GCKR: variants seen among roughly 807,000 people sequenced by gnomAD.
GCKR encodes the protein glucokinase regulatory protein.
Under a neutral mutation model 82.9 loss-of-function variants are expected in GCKR, and 73 were observed. The ratio of observed to expected loss-of-function variants is 0.88; its 90% confidence interval spans 0.73 to 1.07. GCKR has a LOEUF of 1.07. GCKR is among the 50% of genes least tolerant of loss of function. The probability of loss-of-function intolerance (pLI) is 0.00; values close to 1 mark genes in which losing one functional copy is unlikely to be tolerated. For synonymous variants in GCKR, 294 were observed against 291.8 expected, an observed-to-expected ratio of 1.01 and a Z score of -0.08; for missense variants, 784 against 782.1, an observed-to-expected ratio of 1.00 and a Z score of -0.03.
At chr2:27,506,648 G>A (rs1042189013) in intron 11 of GCKR, 69 bp downstream of exon 11, 4 of 1,210,754 alleles carry the variant, frequency 3.3e-6, no homozygotes, top group Middle Eastern at 1.9e-4. Flanking sequence ...GGGAGACTCT[G>A]TGAGACATGT....
rs893844054 is a variant in GCKR, at chr2:27,518,721, G to A, written c.1423-67G>A. Reference sequence around the variant, plus strand: ...AGTTGGTTTCCTGTCTGATAACAGGGCCCTGTTCACTCTGCTGCTTTTCTG... The same window carrying A: ...AGTTGGTTTCCTGTCTGATAACAGGACCCTGTTCACTCTGCTGCTTTTCTG... On this transcript the variant is annotated intron_variant, in intron 16 of 18. Transcript: ENST00000264717. 4.7e-6 allele frequency: 6 copies of A among 1,263,650 alleles called. No homozygotes were observed. The African/African-American group carries it at 7.3e-5, about 15-fold the overall frequency. 78.3% of individuals were successfully genotyped at this position (1,263,650 alleles called of 1,614,324 possible).
At chr2:27,504,214 A>G (rs1271225772) in intron 9 of GCKR, among the ~76,000 whole-genome samples, 1 of 152,144 alleles carries the variant, frequency 6.6e-6, no homozygotes, top group African/African-American at 2.4e-5. Context: ...ATTCTCCTCC[A>G]TCTTCCTTTT....
At chr2:27,498,143 G>C (rs1669461466) in intron 3 of GCKR, 112 bp from the exon 4 acceptor site, 1 of 827,630 alleles carries the variant, frequency 1.2e-6, no homozygotes, top group South Asian at 1.5e-5. Flanking sequence ...TTTGTGATGA[G>C]AGGAGGGATA....
intron 18 of GCKR, among the ~76,000 whole-genome samples, chr2:27,522,955 G>A (rs1572877883): frequency 6.7e-6 from 1 of 149,642 alleles, no homozygotes; most frequent in East Asian, 2.0e-4. Flanking sequence ...CTGGAGTGCA[G>A]TGGCGCGATC....
chr2:27,497,281 A>G lies in GCKR; in HGVS notation c.98A>G (p.Lys33Arg), dbSNP rs1669437315. 1.2e-5 allele frequency: 19 copies of G among 1,614,070 alleles called. No homozygotes were observed. Among genetic ancestry groups the G allele is most frequent in the Non-Finnish European group, 1.6e-5 (19 of 1,180,048 alleles). ...GAGGCAGCTGTGCCAATCACGGAGA[A>G]GTCAAACCCACTGACCCAGGATCTA... ...GYEAAVPITE[K>R]SNPLTQDLDK... Residue 33 changes from lysine to arginine, a missense_variant, in exon 2 of 19, where the codon AAG becomes AGG. Lys to Arg is a conservative substitution (Grantham distance 26, BLOSUM62 2). Transcript: ENST00000264717.
intron 12 of GCKR, 93 bp from the exon 13 acceptor site, chr2:27,507,142 T>C (rs1203722115): frequency 1.1e-6 from 1 of 925,352 alleles, no homozygotes; most frequent in Non-Finnish European, 1.8e-6. Flanking sequence ...CTTGCCACTT[T>C]TCCTCCCAGT....
chr2:27,497,987 CTTTTA>C (rs1259082576), intron 3 of GCKR, among the ~76,000 whole-genome samples: 1 of 152,186 alleles, frequency 6.6e-6, no homozygotes, highest in East Asian at 1.9e-4. Context: ...TTATTATTTA[CTTTTA>C]TTTAGATGAC....
intron 11 of GCKR, 88 bp from the exon 12 acceptor site, chr2:27,506,700 G>A (rs1365298710): frequency 1.5e-5 from 17 of 1,097,312 alleles, no homozygotes; most frequent in South Asian, 1.1e-4. Context: ...GAAGGGTCAT[G>A]GTTTGTTGAC....
chr2:27,508,666 C>T (rs370627814), intron 16 of GCKR, among the ~76,000 whole-genome samples: 269 of 152,248 alleles, frequency 1.8e-3, no homozygotes, highest in African/African-American at 6.2e-3. Flanking sequence ...GTGTGCACCA[C>T]CATGCCCGGC....
At chr2:27,507,125 C>T (rs8179216) in intron 12 of GCKR, 110 bp from the exon 13 acceptor site, 97 of 836,490 alleles carry the variant, frequency 1.2e-4, no homozygotes, top group Admixed American at 4.4e-4. Context: ...CCTCACTCTA[C>T]GCCCCACTTG....
Position 27,499,148 on chromosome 2 carries a change from G to A in GCKR, c.435G>A (p.Val145=). ...TYLIAGGDRS[V]VASREGTEDS... ...CTTGAGTCTGTCCTCTTAGGTCTGT[G>A]GTGGCCTCTAGGGAGGGGACAGAAG... Residue 145 remains valine, a synonymous_variant, in exon 6 of 19, where the codon GTG becomes GTA. Transcript: ENST00000264717. 6.2e-7 allele frequency: 1 copy of A among 1,604,932 alleles called. No homozygotes were observed. Among genetic ancestry groups the A allele is most frequent in the African/African-American group, 1.3e-5 (1 of 74,850 alleles).
intron 8 of GCKR, among the ~76,000 whole-genome samples, chr2:27,502,447 C>G (rs1263207245): frequency 6.6e-6 from 1 of 152,072 alleles, no homozygotes; most frequent in Non-Finnish European, 1.5e-5. Flanking sequence ...TTTTTGGGCT[C>G]CACTCCAGAA....
chr2:27,503,532 C>T lies in GCKR; in HGVS notation c.663C>T (p.Asp221=). Residue 221 remains aspartate (D), a synonymous_variant, in exon 9 of 19, where the codon GAC becomes GAT. Coordinates refer to ENST00000264717, the MANE Select transcript of GCKR (RefSeq NM_001486.4). ...ACCTCAGAAATGACCCCATTGAAGA[C>T]TGGAGTTCAACATTCCGACAAGTAG... The part of the protein sequence containing the change: ...VSMARNDPIE[D]WSSTFRQVAE... 1 of 1,595,858 alleles carries T rather than the reference C, an allele frequency of 6.3e-7. No homozygotes were observed.
At chr2:27,503,922 A>G (rs1308308133) in intron 9 of GCKR, among the ~76,000 whole-genome samples, 3 of 152,202 alleles carry the variant, frequency 2.0e-5, no homozygotes, top group Non-Finnish European at 2.9e-5. Context: ...TTGAATAGCC[A>G]TTGTTATGTT....
intron 1 of GCKR, 25 bp from the exon 2 acceptor site, chr2:27,497,219 C>T: frequency 1.9e-6 from 3 of 1,614,128 alleles, no homozygotes; most frequent in South Asian, 1.1e-5. Context: ...CTTCCTGCTC[C>T]ATCCTTGTCC....
In GCKR at chr2:27,496,873, C is replaced by G. The variant is rs751909151; in HGVS notation, c.-32C>G. 1.3e-6 allele frequency: 2 copies of G among 1,588,142 alleles called. No homozygotes were observed. The highest frequency in any genetic ancestry group is 1.1e-5 in the South Asian group (1 of 90,620). ...AGAGGGGTTTGTGTGGCTGAAGAGG[C>G]AGGAGGAACAGTGTATCCACAGCGT... On this transcript the variant is annotated 5_prime_UTR_variant, in exon 1 of 19. Transcript: ENST00000264717.
chr2:27,500,072 G>A (rs139976082), intron 7 of GCKR, among the ~76,000 whole-genome samples: 1 of 150,796 alleles, frequency 6.6e-6, no homozygotes, highest in Non-Finnish European at 1.5e-5. Context: ...CTAAAATAAA[G>A]GTTAGTTTTT....
At position 27,518,858 on chromosome 2, in the gene GCKR, G is replaced by A; in HGVS notation, c.1493G>A (p.Gly498Asp). The A allele has an allele frequency of 6.3e-7, 1 of 1,592,158 alleles. No individual in the cohort carries two copies. Among genetic ancestry groups the A allele is most frequent in the Non-Finnish European group, 8.6e-7 (1 of 1,165,634 alleles). ...AGTACAGGTGCTCATGTGCTTCTTG[G>A]TAAGATCCTACAAAACCACATGTTG... is the stretch of plus-strand genomic sequence containing the variant. ...TVSTGAHVLL[G>D]KILQNHMLDL... The change falls in exon 17 of 19, where the codon GGT (glycine) becomes GAT (aspartate). Residue 498 changes from glycine to aspartate, a missense_variant. Coordinates refer to ENST00000264717, the MANE Select transcript of GCKR (RefSeq NM_001486.4).
At chr2:27,504,403 G>A (rs1376411739) in intron 9 of GCKR, among the ~76,000 whole-genome samples, 1 of 150,716 alleles carries the variant, frequency 6.6e-6, no homozygotes, top group East Asian at 1.9e-4. Context: ...TGTCACCCAG[G>A]CTGGAATGCA....
Sources: gnomAD v4.1 joint callset for allele counts (sites outside exome capture counted in the v4.1 genomes callset) on GRCh38, gnomAD v4.1.1 for gene constraint, MANE v1.5 for transcripts, NCBI Gene and HGNC (gene_info 2026-07-23, HGNC 2026-07-21) for gene names.